TG: variants seen among roughly 807,000 people sequenced by gnomAD.
TG encodes thyroglobulin, also known as thyroid hormones.
In TG, 270 loss-of-function variants were observed where a neutral mutation model predicts 324.7. The ratio of observed to expected loss-of-function variants is 0.83; its 90% confidence interval spans 0.75 to 0.92. The LOEUF is 0.92. Among genes scored for constraint, TG ranks in the 40% least tolerant of loss-of-function variants. TG has a pLI of 0.00. For synonymous variants in TG, 1,401 were observed against 1,327.0 expected, an observed-to-expected ratio of 1.06 and a Z score of -1.21; for missense variants, 3,591 against 3,456.4, an observed-to-expected ratio of 1.04 and a Z score of -0.98.
intron 41 of TG, among the ~76,000 whole-genome samples, chr8:133,035,215 A>G (rs745921277): frequency 1.3e-4 from 20 of 152,244 alleles, no homozygotes; most frequent in Non-Finnish European, 2.9e-5. Flanking sequence ...GAAATTTTGA[A>G]AAGTAGCAAT....
chr8:132,905,141 C>T (rs897851230), intron 16 of TG, among the ~76,000 whole-genome samples: 1 of 152,144 alleles, frequency 6.6e-6, no homozygotes, highest in Non-Finnish European at 1.5e-5. Flanking sequence ...AATAAATACT[C>T]CTACTAGGAG....
At chr8:132,889,855 T>C (rs853309) in intron 10 of TG, among the ~76,000 whole-genome samples, 71,647 of 152,040 alleles carry the variant, frequency 0.47, 17,000 homozygotes, top group South Asian at 0.52. Context: ...CAGCTCACTG[T>C]AACCTCCGCC....
chr8:132,873,853 G>A (rs1392156034), intron 5 of TG, among the ~76,000 whole-genome samples: 1 of 152,130 alleles, frequency 6.6e-6, no homozygotes, highest in Non-Finnish European at 1.5e-5. Context: ...CTGCTTTAGG[G>A]CCAGGGCTGC....
At chr8:133,045,219 T>C (rs2131148599) in intron 41 of TG, 2 of 1,214,350 alleles carry the variant, frequency 1.6e-6, no homozygotes, top group East Asian at 5.0e-5. Context: ...TGCCCACCCT[T>C]GGGATACAAC....
At chr8:133,037,414 A>C (rs1407445710) in intron 41 of TG, 1 of 152,158 alleles carries the variant, frequency 6.6e-6, no homozygotes, top group Non-Finnish European at 1.5e-5. Context: ...AATTCTTTAG[A>C]CTGTATCCAT....
intron 43 of TG, chr8:133,102,715 C>G: frequency 1.4e-6 from 1 of 711,632 alleles, no homozygotes; most frequent in Non-Finnish European, 2.4e-6. Context: ...AGTCTGCCTA[C>G]ATTATCCAGG....
chr8:133,091,731 T>A (rs1274331766), intron 41 of TG, among the ~76,000 whole-genome samples: 1 of 152,028 alleles, frequency 6.6e-6, no homozygotes, highest in African/African-American at 2.4e-5. Flanking sequence ...TGTGTGTCTA[T>A]GTGTGTGGGT....
intron 5 of TG, among the ~76,000 whole-genome samples, chr8:132,875,403 G>A (rs891047630): frequency 6.6e-6 from 1 of 152,138 alleles, no homozygotes; most frequent in Non-Finnish European, 1.5e-5. Flanking sequence ...GATAATTATA[G>A]TCATTACTAT....
rs1202730368 is a variant in TG, at chr8:133,097,351, G to A, written c.7572+978G>A. On this transcript the variant is annotated intron_variant, in intron 43 of 47. Transcript: ENST00000220616. ...TGATATATATACAAGAGTATTTATT[G>A]CATTGCATTGTTTATTGATTGATTG... Among the ~76,000 whole-genome samples, 3 of 152,152 alleles carry A rather than the reference G, an allele frequency of 2.0e-5. 1 individual carries two copies. Among genetic ancestry groups the A allele is most frequent in the South Asian group, 4.1e-4 (2 of 4,830 alleles).
At chr8:132,990,101 G>A (rs982047170) in intron 35 of TG, among the ~76,000 whole-genome samples, 7 of 151,530 alleles carry the variant, frequency 4.6e-5, no homozygotes, top group Non-Finnish European at 1.0e-4. Flanking sequence ...AGGAAACTGA[G>A]GCAGAGAGAG....
intron 5 of TG, among the ~76,000 whole-genome samples, chr8:132,880,976 G>A (rs1814569796): frequency 6.6e-6 from 1 of 152,202 alleles, no homozygotes; most frequent in South Asian, 2.1e-4. Context: ...ATTGTACACA[G>A]CTGCTGCTTC....
chr8:132,911,675 A>T, intron 19 of TG, 142 bp downstream of exon 19: 2 of 716,334 alleles, frequency 2.8e-6, no homozygotes, highest in South Asian at 3.3e-5. Context: ...ATTTAAAAAC[A>T]TATAATAATC....
rs780459363 is a variant in TG at position 133,022,060 on chromosome 8, G to T, written c.6946G>T (p.Ala2316Ser). 1 of 1,614,170 alleles carries T rather than the reference G, an allele frequency of 6.2e-7. No individual in the cohort carries two copies. Among genetic ancestry groups the T allele is most frequent in the South Asian group, 1.1e-5 (1 of 91,076 alleles). ...CAGGGAGGAGAGTGAAGGATGGCCGGCTATCGACGGCTCCTTCTTGGCTGC... is the reference window on the plus strand; with the variant it reads ...CAGGGAGGAGAGTGAAGGATGGCCGTCTATCGACGGCTCCTTCTTGGCTGC... ...MDREESEGWP[A>S]IDGSFLAAVG... The change falls in exon 40 of 48, where the codon GCT becomes TCT. Residue 2316 changes from alanine to serine, a missense_variant. Coordinates refer to ENST00000220616, the MANE Select transcript of TG (RefSeq NM_003235.5).
In TG at chr8:132,958,786, A is replaced by G. The variant is rs1564004270; in HGVS notation, c.5402-2222A>G. On this transcript the variant is annotated intron_variant, in intron 27 of 47. Transcript: ENST00000220616. Reference sequence around the variant, plus strand: ...TAAAACCCCATAGCCTGAGCTTTGAAATAAGCAAATGATGATATCATGAGG... The same window carrying G: ...TAAAACCCCATAGCCTGAGCTTTGAGATAAGCAAATGATGATATCATGAGG... 1.3e-5 allele frequency among the ~76,000 whole-genome samples: 2 copies of G among 152,312 alleles called. 1 individual carries two copies. Among genetic ancestry groups the G allele is most frequent in the South Asian group, 4.1e-4 (2 of 4,822 alleles).
rs1022744909 is a variant in TG at position 132,893,788 on chromosome 8, G to C, written c.2860G>C (p.Gly954Arg). The stretch of plus-strand genomic sequence containing the variant: ...TTCCAACAGTTCTCGGTTCCCTCTG[G>C]GGGAGAGTTTCCTGGTGGCCAAGGG... ...SASNSSRFPLGESFLVAKGIR... is the reference protein window; with the variant it reads ...SASNSSRFPLRESFLVAKGIR... The change falls in exon 11 of 48, where the codon GGG becomes CGG. Residue 954 changes from glycine to arginine, a missense_variant. Transcript: ENST00000220616. 2 of 1,613,960 alleles carry C rather than the reference G, an allele frequency of 1.2e-6. No homozygotes were observed. Among genetic ancestry groups the C allele is most frequent in the East Asian group, 2.2e-5 (1 of 44,878 alleles).
At chr8:133,124,241 T>G (rs1304965950) in intron 45 of TG, among the ~76,000 whole-genome samples, 2 of 152,226 alleles carry the variant, frequency 1.3e-5, no homozygotes, top group Non-Finnish European at 2.9e-5. Flanking sequence ...GTGTGCTGCA[T>G]CTGGGTCTTT....
At chr8:133,059,291 C>G (rs1380916500) in intron 41 of TG, 3 of 368,888 alleles carry the variant, frequency 8.1e-6, no homozygotes, top group Non-Finnish European at 1.6e-5. Flanking sequence ...CGTCCCTTTC[C>G]CAAGACCCCA....
intron 46 of TG, 70 bp from the exon 47 acceptor site, chr8:133,133,400 G>T: frequency 6.8e-7 from 1 of 1,467,146 alleles, no homozygotes; most frequent in Non-Finnish European, 9.6e-7. Context: ...GTGCAAGTGG[G>T]AAGTGATTCA....
chr8:133,045,860 T>C (rs1839281322), intron 41 of TG, among the ~76,000 whole-genome samples: 2 of 152,182 alleles, frequency 1.3e-5, no homozygotes, highest in South Asian at 4.1e-4. Context: ...GTTTTGCTCT[T>C]TCAGCCCCTG....
Sources: allele counts gnomAD v4.1 joint callset (sites outside exome capture counted in the v4.1 genomes callset), GRCh38; gene constraint gnomAD v4.1.1; transcripts MANE v1.5; gene names NCBI Gene and HGNC (gene_info 2026-07-23, HGNC 2026-07-21).